ASIC2: variants seen among roughly 807,000 people sequenced by gnomAD.
The protein encoded by ASIC2 is acid sensing ion channel subunit 2.
ASIC2 carries 25 observed loss-of-function variants against 57.3 expected under a neutral mutation model. The observed-to-expected ratio is 0.44, with a 90% CI of 0.32 to 0.61. ASIC2 has a LOEUF of 0.61. Among genes scored for constraint, ASIC2 ranks in the 20% least tolerant of loss-of-function variants. The pLI, the probability that ASIC2 is intolerant of heterozygous loss-of-function variation, is 0.06. For synonymous variants in ASIC2, 319 were observed against 307.5 expected, an observed-to-expected ratio of 1.04 and a Z score of -0.39; for missense variants, 641 against 738.1, an observed-to-expected ratio of 0.87 and a Z score of 1.52.
chr17:33,212,737 G>T (rs1907327619), intron 1 of ASIC2, among the ~76,000 whole-genome samples: 1 of 152,168 alleles, frequency 6.6e-6, no homozygotes, highest in South Asian at 2.1e-4. Context: ...CTGAGCAGGG[G>T]CCTCTGCTCC....
intron 1 of ASIC2, among the ~76,000 whole-genome samples, chr17:33,762,811 G>C (rs185845690): frequency 5.9e-5 from 9 of 152,326 alleles, no homozygotes; most frequent in Admixed American, 1.3e-4. Context: ...GAATATGTGA[G>C]GAGAGAAAAA....
chr17:33,554,571 C>T (rs1017073339), intron 1 of ASIC2, among the ~76,000 whole-genome samples: 1 of 152,156 alleles, frequency 6.6e-6, no homozygotes, highest in African/African-American at 2.4e-5. Flanking sequence ...AGACCATCAA[C>T]CTATGTACCA....
rs549604234 is a variant in ASIC2, at chr17:33,591,495, G to A, written c.556-479428C>T. Among the ~76,000 whole-genome samples, 10 of 152,286 alleles carry A rather than the reference G, an allele frequency of 6.6e-5. No homozygotes were observed. The East Asian group carries it at 9.7e-4, about 15-fold the overall frequency. On this transcript the variant is annotated intron_variant, in intron 1 of 9. Transcript: ENST00000359872. The stretch of plus-strand genomic sequence containing the variant: ...AAGCTGTCGGCAGCCGCCATCAATC[G>A]ATCTGAGTTGGCACTTAGAGTATGT...
rs115355109 is a variant in ASIC2 at position 33,034,673 on chromosome 17, T to C, written c.988-6281A>G. Among the ~76,000 whole-genome samples, 1,207 of 152,348 alleles carry C rather than the reference T, an allele frequency of 7.9e-3. 17 individuals carry two copies. Among genetic ancestry groups the C allele is most frequent in the African/African-American group, 0.026 (1,097 of 41,572 alleles). On this transcript the variant is annotated intron_variant, in intron 3 of 9. Transcript: ENST00000225823. ...TCTGTCTTCTGGCCTCCATTGTTTCTGATGAGAATCAGTCATATTCTTTTT... is the reference window on the plus strand; with the variant it reads ...TCTGTCTTCTGGCCTCCATTGTTTCCGATGAGAATCAGTCATATTCTTTTT...
At chr17:33,733,485 A>G (rs1375031536) in intron 1 of ASIC2, among the ~76,000 whole-genome samples, 1 of 152,152 alleles carries the variant, frequency 6.6e-6, no homozygotes, top group East Asian at 1.9e-4. Flanking sequence ...AAGGGAGGAG[A>G]CGGAGAGGGT....
chr17:34,009,995 C>G (rs757828971), intron 1 of ASIC2, among the ~76,000 whole-genome samples: 1 of 152,142 alleles, frequency 6.6e-6, no homozygotes, highest in Non-Finnish European at 1.5e-5. Context: ...GACATCCAGG[C>G]GGAAATGAAA....
chr17:33,092,503 T>G (rs2092161499), intron 2 of ASIC2, among the ~76,000 whole-genome samples: 1 of 152,280 alleles, frequency 6.6e-6, no homozygotes, highest in Non-Finnish European at 1.5e-5. Context: ...TGATGCTTCC[T>G]GGGATCCACT....
chr17:33,784,908 T>A (rs1446426642), intron 1 of ASIC2, among the ~76,000 whole-genome samples: 2 of 152,130 alleles, frequency 1.3e-5, no homozygotes, highest in African/African-American at 2.4e-5. Flanking sequence ...TTTATCATTT[T>A]TTTTCCTTGC....
intron 1 of ASIC2, among the ~76,000 whole-genome samples, chr17:33,770,747 A>T (rs1911075815): frequency 6.6e-6 from 1 of 152,134 alleles, no homozygotes; most frequent in African/African-American, 2.4e-5. Context: ...GAATTGAAAT[A>T]CTTTATAGCA....
At chr17:33,885,406 T>TA (rs1567746018) in intron 1 of ASIC2, among the ~76,000 whole-genome samples, 2 of 152,222 alleles carry the variant, frequency 1.3e-5, no homozygotes, top group African/African-American at 4.8e-5. Flanking sequence ...GATCAGGTGT[T>TA]ACCATCTACC....
chr17:33,442,425 CTTTAA>C (rs1911858418), intron 1 of ASIC2, among the ~76,000 whole-genome samples: 2 of 152,016 alleles, frequency 1.3e-5, no homozygotes, highest in Non-Finnish European at 2.9e-5. Flanking sequence ...TTTTGATACT[CTTTAA>C]TTTATCTCAG....
At position 33,292,040 on chromosome 17, in the gene ASIC2, C is replaced by T. The variant is rs1354652935; in HGVS notation, c.76G>A (p.Glu26Lys). 5 of 1,151,758 alleles carry T rather than the reference C, an allele frequency of 4.3e-6. No individual in the cohort carries two copies. The African/African-American group carries it at 6.6e-5, about 15-fold the overall frequency. The allele number at this position is 1,151,758 out of a possible 1,614,324, so 71.3% of individuals were successfully genotyped here. A position where few individuals can be genotyped will look rare whatever the true frequency, so the allele number is the denominator to read the frequency against. The change falls in exon 1 of 10, where the codon GAG (glutamate) becomes AAG (lysine). Residue 26 changes from glutamate (E) to lysine (K), a missense_variant. Transcript: ENST00000225823. ...GCCGCCAACGCCGCGGGCGCCGGCTCCTCGCGGGCCATGCGGAAGCGTCCC... is the reference window on the plus strand; with the variant it reads ...GCCGCCAACGCCGCGGGCGCCGGCTTCTCGCGGGCCATGCGGAAGCGTCCC... ...GPGRFRMAREEPAPAALAAAG... is the reference protein window; with the variant it reads ...GPGRFRMAREKPAPAALAAAG...
intron 1 of ASIC2, among the ~76,000 whole-genome samples, chr17:33,367,718 C>T: frequency 2.0e-5 from 3 of 152,134 alleles, no homozygotes; most frequent in Non-Finnish European, 2.9e-5. Flanking sequence ...AAACTCAGGG[C>T]AATTGATAAA....
chr17:34,156,240 C>T lies in ASIC2; in HGVS notation c.293G>A (p.Arg98Gln), dbSNP rs759355309. ...GTCATTGGTGGTGAGCCTGGAGAAC[C>T]GGAAGCCATTCAGGTTACAGAGGGT... The change falls in exon 1 of 10, where the codon CGG becomes CAG. Residue 98 changes from arginine (R) to glutamine (Q), a missense_variant. By Grantham distance (43) the Arg-to-Gln change is conservative. Coordinates refer to the ASIC2 transcript ENST00000359872. The surrounding 1 kb of genome is among the most constrained non-coding windows in gnomAD (Gnocchi z 4.4). 6.6e-5 allele frequency: 106 copies of T among 1,613,970 alleles called. No homozygotes were observed. The highest frequency in any genetic ancestry group is 7.9e-5 in the Non-Finnish European group (93 of 1,180,016).
At chr17:33,286,735 C>G (rs1476780018) in intron 1 of ASIC2, among the ~76,000 whole-genome samples, 4 of 152,196 alleles carry the variant, frequency 2.6e-5, no homozygotes, top group Non-Finnish European at 5.9e-5. Context: ...GATCCCCAGT[C>G]TGATCCTTGG....
intron 1 of ASIC2, among the ~76,000 whole-genome samples, chr17:33,534,842 T>G (rs776811827): frequency 3.1e-4 from 47 of 152,324 alleles, no homozygotes; most frequent in Middle Eastern, 3.4e-3. Context: ...ATGCTTAGAA[T>G]TGAGAGAAGA....
At chr17:33,293,391 C>G (rs936767073), upstream of ASIC2, among the ~76,000 whole-genome samples, 1 of 152,200 alleles carries the variant, frequency 6.6e-6, no homozygotes, top group African/African-American at 2.4e-5. Context: ...TAATTCCTGG[C>G]CACTGTGGCC....
chr17:33,801,904 G>A (rs1034028094), intron 1 of ASIC2, among the ~76,000 whole-genome samples: 3 of 152,162 alleles, frequency 2.0e-5, no homozygotes, highest in Non-Finnish European at 4.4e-5. Context: ...CATCATCGCA[G>A]AGTGTAGTTG....
intron 1 of ASIC2, among the ~76,000 whole-genome samples, chr17:33,775,805 G>A (rs1279950756): frequency 6.6e-6 from 1 of 152,142 alleles, no homozygotes; most frequent in African/African-American, 2.4e-5. Flanking sequence ...TTGGGGCTCT[G>A]ACCTTCAGTG....
Sources: gnomAD v4.1 joint callset for allele counts (sites outside exome capture counted in the v4.1 genomes callset) on GRCh38, gnomAD v4.1.1 for gene constraint, Gnocchi (gnomAD v3.1) non-coding constraint, MANE v1.5 for transcripts, NCBI Gene and HGNC (gene_info 2026-07-23, HGNC 2026-07-21) for gene names.